The following SPECC1L variants were observed in gnomAD, a reference collection of about 807,000 sequenced individuals.
SPECC1L encodes the protein cytospin-A.
Under a neutral mutation model 116.8 loss-of-function variants are expected in SPECC1L, and 40 were observed. The observed-to-expected ratio is 0.34, with a 90% CI of 0.27 to 0.45. The LOEUF is 0.45. Among genes scored for constraint, SPECC1L ranks in the 20% least tolerant of loss-of-function variants. The pLI, the probability that SPECC1L is intolerant of heterozygous loss-of-function variation, is 1.00. For missense variants in SPECC1L, 1,110 were observed against 1,373.6 expected, an observed-to-expected ratio of 0.81 and a Z score of 3.03; for synonymous variants, 504 against 500.6, an observed-to-expected ratio of 1.01 and a Z score of -0.09.
intron 2 of SPECC1L, among the ~76,000 whole-genome samples, chr22:24,277,765 A>T (rs964694386): frequency 3.9e-5 from 6 of 152,180 alleles, no homozygotes; most frequent in Non-Finnish European, 8.8e-5. Context: ...TTCATGCTTT[A>T]TTTGTCCATC....
At chr22:24,331,828 G>C (rs571917744) in intron 8 of SPECC1L, among the ~76,000 whole-genome samples, 2 of 151,922 alleles carry the variant, frequency 1.3e-5, no homozygotes, top group Non-Finnish European at 2.9e-5. Flanking sequence ...CCACATACTT[G>C]ATTTTTTTTT....
intron 11 of SPECC1L, among the ~76,000 whole-genome samples, chr22:24,347,893 C>G (rs1245960688): frequency 6.6e-6 from 1 of 152,146 alleles, no homozygotes; most frequent in South Asian, 2.1e-4. Flanking sequence ...CCATACTGGT[C>G]TCAAACTCCT....
At chr22:24,311,682 G>A (rs1486664501) in intron 3 of SPECC1L, among the ~76,000 whole-genome samples, 2 of 151,880 alleles carry the variant, frequency 1.3e-5, no homozygotes, top group African/African-American at 4.8e-5. Context: ...GCGCATGCCT[G>A]TAGTCCTAGC....
chr22:24,310,778 A>G (rs556373438), intron 3 of SPECC1L, among the ~76,000 whole-genome samples: 4 of 152,064 alleles, frequency 2.6e-5, no homozygotes, highest in East Asian at 1.9e-4. Context: ...TTAAAATTCT[A>G]TTTATGATGG....
intron 3 of SPECC1L, among the ~76,000 whole-genome samples, chr22:24,307,155 G>T (rs80047627): frequency 3.9e-5 from 6 of 152,092 alleles, no homozygotes; most frequent in African/African-American, 1.2e-4. Flanking sequence ...TCAATTTTGG[G>T]GGGGGTATAT....
At chr22:24,369,851 T>G (rs566079365) in intron 14 of SPECC1L, among the ~76,000 whole-genome samples, 1 of 152,356 alleles carries the variant, frequency 6.6e-6, no homozygotes, top group South Asian at 2.1e-4. Context: ...AATATAACTT[T>G]GGAGAGCAGA....
intron 8 of SPECC1L, among the ~76,000 whole-genome samples, chr22:24,332,279 A>T (rs919128582): frequency 5.3e-5 from 8 of 152,206 alleles, no homozygotes; most frequent in Non-Finnish European, 1.2e-4. Context: ...CTTCCCATAA[A>T]GTGTCTTCTG....
At chr22:24,405,160 T>C (rs2042560297) in intron 14 of SPECC1L, among the ~76,000 whole-genome samples, 1 of 152,190 alleles carries the variant, frequency 6.6e-6, no homozygotes, top group African/African-American at 2.4e-5. Flanking sequence ...AACAAGTTAT[T>C]GTAGAGCATG....
chr22:24,306,726 G>T (rs1425437929), intron 3 of SPECC1L, among the ~76,000 whole-genome samples: 2 of 152,112 alleles, frequency 1.3e-5, no homozygotes, highest in Admixed American at 1.3e-4. Context: ...TCACATTGTT[G>T]TGCAACCATC....
At chr22:24,338,644 A>C (rs1474098761) in intron 10 of SPECC1L, among the ~76,000 whole-genome samples, 167 bp downstream of exon 10, 5 of 152,220 alleles carry the variant, frequency 3.3e-5, no homozygotes, top group African/African-American at 4.8e-5. Context: ...AATAGAGATA[A>C]ATTATATAAG....
chr22:24,374,142 G>A (rs1418865825), intron 14 of SPECC1L, among the ~76,000 whole-genome samples: 1 of 151,966 alleles, frequency 6.6e-6, no homozygotes, highest in Non-Finnish European at 1.5e-5. Context: ...GAGAGGATGT[G>A]GAGAAATAGG....
rs2042775275 is a variant in SPECC1L, at chr22:24,415,032, G to A, written c.*409G>A. ...TGAAGGCTCGGCCGCGGCACTTCCT[G>A]ACTATTGGCTGGGGTGGGTTCCGGT... On this transcript the variant is annotated 3_prime_UTR_variant, in exon 17 of 17. Transcript: ENST00000314328. The A allele has an allele frequency of 1.6e-5, 4 of 257,522 alleles. No individual in the cohort carries two copies. The South Asian group carries it at 1.8e-4, about 11-fold the overall frequency. The allele number at this position is 257,522 out of a possible 1,614,324, so 16.0% of individuals were successfully genotyped here. A position where few individuals can be genotyped will look rare whatever the true frequency, so the allele number is the denominator to read the frequency against.
chr22:24,413,493 C>T (rs2042741099), intron 16 of SPECC1L, among the ~76,000 whole-genome samples: 1 of 152,166 alleles, frequency 6.6e-6, no homozygotes, highest in Admixed American at 6.5e-5. Flanking sequence ...ACCTCCCCAT[C>T]CCCGTGCCCC....
chr22:24,343,779 T>G (rs1176731680), intron 10 of SPECC1L, among the ~76,000 whole-genome samples: 1 of 151,892 alleles, frequency 6.6e-6, no homozygotes. Flanking sequence ...AGAAAAACCC[T>G]GTCAACTTAG....
At chr22:24,394,719 C>A (rs939971902) in intron 14 of SPECC1L, among the ~76,000 whole-genome samples, 1 of 152,192 alleles carries the variant, frequency 6.6e-6, no homozygotes, top group African/African-American at 2.4e-5. Flanking sequence ...TCTAGACATT[C>A]GGAACGTGTA....
At chr22:24,333,391 A>C (rs934356431) in intron 8 of SPECC1L, among the ~76,000 whole-genome samples, 10 of 152,326 alleles carry the variant, frequency 6.6e-5, no homozygotes, top group African/African-American at 2.2e-4. Context: ...TATATGACAT[A>C]TACAAACTCT....
At chr22:24,276,462 A>G (rs1273803208) in intron 1 of SPECC1L, among the ~76,000 whole-genome samples, 2 of 152,200 alleles carry the variant, frequency 1.3e-5, no homozygotes, top group African/African-American at 4.8e-5. Flanking sequence ...GGCATTGTCA[A>G]GATTTGTCAA....
intron 4 of SPECC1L, among the ~76,000 whole-genome samples, chr22:24,317,157 G>T (rs1412325280): frequency 2.2e-5 from 2 of 91,484 alleles, no homozygotes; most frequent in South Asian, 3.9e-4. Flanking sequence ...CCTCCCTCCC[G>T]GACGGGGCGG....
chr22:24,289,853 G>A (rs2049123918), intron 2 of SPECC1L, among the ~76,000 whole-genome samples: 1 of 152,032 alleles, frequency 6.6e-6, no homozygotes, highest in Non-Finnish European at 1.5e-5. Context: ...GTGCAGTGTG[G>A]GCTTTCCACA....
Sources: gnomAD v4.1 joint callset for allele counts (sites outside exome capture counted in the v4.1 genomes callset) on GRCh38, gnomAD v4.1.1 for gene constraint, MANE v1.5 for transcripts, NCBI Gene and HGNC (gene_info 2026-07-23, HGNC 2026-07-21) for gene names.